VWC2L: variants seen among roughly 807,000 people sequenced by gnomAD.
VWC2L encodes von Willebrand factor C domain containing 2 like.
A neutral mutation model predicts 21.6 loss-of-function variants in VWC2L; 10 were observed. The observed-to-expected ratio is 0.46, with a 90% CI of 0.29 to 0.78. The LOEUF (loss-of-function observed/expected upper bound fraction) is 0.78, where lower values mean the gene tolerates loss of function less well. Among genes scored for constraint, VWC2L ranks in the 30% least tolerant of loss-of-function variants. The pLI is 0.10. For missense variants in VWC2L, 209 were observed against 277.1 expected (o/e 0.75, Z 1.74); for synonymous variants, 96 against 94.3 (o/e 1.02, Z -0.10).
At chr2:214,573,392 G>T (rs536688113) in intron 3 of VWC2L, among the ~76,000 whole-genome samples, 3 of 152,132 alleles carry the variant, frequency 2.0e-5, no homozygotes, top group East Asian at 3.9e-4. Flanking sequence ...CCACTATTTA[G>T]AATTTTATTT....
intron 3 of VWC2L, among the ~76,000 whole-genome samples, chr2:214,568,820 T>C (rs1690106714): frequency 6.6e-6 from 1 of 152,176 alleles, no homozygotes; most frequent in Non-Finnish European, 1.5e-5. Flanking sequence ...CCAGGGTTGG[T>C]TTTGTTGCTT....
intron 3 of VWC2L, among the ~76,000 whole-genome samples, chr2:214,491,557 T>C (rs114386889): frequency 1.9e-3 from 287 of 152,318 alleles, no homozygotes; most frequent in African/African-American, 6.7e-3. Flanking sequence ...TGTTATGTAA[T>C]GTTACAATAC....
chr2:214,501,493 C>T (rs919548436), intron 3 of VWC2L, among the ~76,000 whole-genome samples: 2 of 152,022 alleles, frequency 1.3e-5, no homozygotes, highest in African/African-American at 2.4e-5. Flanking sequence ...GAGTCCGAGG[C>T]GGTGAATCGC....
intron 3 of VWC2L, among the ~76,000 whole-genome samples, chr2:214,551,507 A>G (rs948736858): frequency 1.3e-5 from 2 of 152,234 alleles, no homozygotes; most frequent in African/African-American, 4.8e-5. Flanking sequence ...AATTACTCAG[A>G]GAGAAATAAT....
intron 3 of VWC2L, among the ~76,000 whole-genome samples, chr2:214,442,760 A>C (rs1044331610): frequency 2.0e-5 from 3 of 152,140 alleles, no homozygotes; most frequent in African/African-American, 7.2e-5. Flanking sequence ...AAAATGGTAT[A>C]TAAATTGATA....
At chr2:214,448,070 C>G (rs997855030) in intron 3 of VWC2L, among the ~76,000 whole-genome samples, 1 of 152,090 alleles carries the variant, frequency 6.6e-6, no homozygotes, top group African/African-American at 2.4e-5. Flanking sequence ...TCACCACTGA[C>G]GAGTCCATTT....
chr2:214,467,712 C>T (rs200245869), intron 3 of VWC2L, among the ~76,000 whole-genome samples: 1 of 152,168 alleles, frequency 6.6e-6, no homozygotes, highest in African/African-American at 2.4e-5. Context: ...CAATGTTGAT[C>T]AATTCATAGC....
At chr2:214,542,498 T>C (rs1013799444) in intron 3 of VWC2L, among the ~76,000 whole-genome samples, 3 of 152,208 alleles carry the variant, frequency 2.0e-5, no homozygotes, top group African/African-American at 7.2e-5. Context: ...CTGGCTCAGA[T>C]CCACCCTGAC....
Position 214,439,684 on chromosome 2 carries a change from T to C in VWC2L, c.520+2926T>C, listed in dbSNP as rs1702735563. 2.6e-5 allele frequency among the ~76,000 whole-genome samples: 4 copies of C among 152,036 alleles called. No homozygotes were observed. The South Asian group carries it at 8.3e-4, about 31-fold the overall frequency. ...CCAAAAGCATGAGGCATTAAAGTTATAAAACTTTTAAAATATGATTTAAAC... is the reference window on the plus strand; with the variant it reads ...CCAAAAGCATGAGGCATTAAAGTTACAAAACTTTTAAAATATGATTTAAAC... On this transcript the variant is annotated intron_variant, in intron 3 of 3. Coordinates refer to ENST00000312504, the MANE Select transcript of VWC2L (RefSeq NM_001080500.4).
Position 214,436,718 on chromosome 2 carries a change from A to G in VWC2L, c.480A>G (p.Pro160=), listed in dbSNP as rs747310607. 134 of 1,613,278 alleles carry G rather than the reference A, an allele frequency of 8.3e-5. No individual in the cohort carries two copies. Among genetic ancestry groups the G allele is most frequent in the Non-Finnish European group, 1.1e-4 (130 of 1,179,466 alleles). ...ADCAVPECVN[P]VYEPEQCCPV... ...GCGCAGTTCCTGAGTGTGTCAACCC[A>G]GTCTATGAACCAGAACAATGTTGTC... is the stretch of plus-strand genomic sequence containing the variant. Residue 160 remains proline (P), a synonymous_variant, in exon 3 of 4, where the codon CCA becomes CCG. Transcript: ENST00000312504.
chr2:214,510,662 C>G (rs1689038331), intron 3 of VWC2L, among the ~76,000 whole-genome samples: 1 of 152,146 alleles, frequency 6.6e-6, no homozygotes, highest in Non-Finnish European at 1.5e-5. Context: ...ACAGATAAAG[C>G]CTAGTGACTC....
chr2:214,542,052 T>C (rs1248212460), intron 3 of VWC2L, among the ~76,000 whole-genome samples: 2 of 152,122 alleles, frequency 1.3e-5, no homozygotes, highest in Non-Finnish European at 2.9e-5. Flanking sequence ...TCGGACAGCA[T>C]TGGCTCCCTG....
rs1165011442 is a variant in VWC2L at position 214,578,314 on chromosome 2, G to C, written c.*2494G>C. The C allele has an allele frequency of 1.3e-5, 2 of 152,156 alleles. No individual in the cohort carries two copies. Among genetic ancestry groups the C allele is most frequent in the Non-Finnish European group, 2.9e-5 (2 of 68,008 alleles). 9.4% of individuals were successfully genotyped at this position (152,156 alleles called of 1,614,324 possible). On this transcript the variant is annotated 3_prime_UTR_variant, in exon 4 of 4. Coordinates refer to ENST00000312504, the MANE Select transcript of VWC2L (RefSeq NM_001080500.4). The stretch of plus-strand genomic sequence containing the variant: ...TTGCATCAAAGCATTGGCACAGCGA[G>C]AGTCACAGCAAGAATTTACTAGAAT...
At chr2:214,572,590 C>T (rs1464440118) in intron 3 of VWC2L, among the ~76,000 whole-genome samples, 16 of 152,128 alleles carry the variant, frequency 1.1e-4, no homozygotes, top group Admixed American at 1.0e-3. Context: ...TCATGGTGGG[C>T]TTTCATATGC....
At chr2:214,455,673 A>G (rs1703046459) in intron 3 of VWC2L, among the ~76,000 whole-genome samples, 2 of 152,178 alleles carry the variant, frequency 1.3e-5, no homozygotes, top group Admixed American at 1.3e-4. Context: ...CAACCAACAT[A>G]AGATAATCCC....
At chr2:214,550,957 T>C (rs1689784776) in intron 3 of VWC2L, among the ~76,000 whole-genome samples, 1 of 152,194 alleles carries the variant, frequency 6.6e-6, no homozygotes, top group South Asian at 2.1e-4. Flanking sequence ...GCACTCCATC[T>C]TTCTGGGCCT....
intron 3 of VWC2L, among the ~76,000 whole-genome samples, chr2:214,564,873 T>C: frequency 6.6e-6 from 1 of 152,140 alleles, no homozygotes; most frequent in East Asian, 1.9e-4. Context: ...ACACATCTCC[T>C]CCCTCATCAG....
chr2:214,529,481 ACT>A (rs1403840761), intron 3 of VWC2L, among the ~76,000 whole-genome samples: 1 of 152,022 alleles, frequency 6.6e-6, no homozygotes, highest in Non-Finnish European at 1.5e-5. Flanking sequence ...CAATGACCAA[ACT>A]CTGTTTTCTC....
chr2:214,504,773 CA>C (rs1688944302), intron 3 of VWC2L, among the ~76,000 whole-genome samples: 1 of 152,144 alleles, frequency 6.6e-6, no homozygotes, highest in Non-Finnish European at 1.5e-5. Context: ...ATCTTCACAA[CA>C]AGCCTGTTGG....
Sources: gnomAD v4.1 joint callset for allele counts (sites outside exome capture counted in the v4.1 genomes callset) on GRCh38, gnomAD v4.1.1 for gene constraint, MANE v1.5 for transcripts, NCBI Gene and HGNC (gene_info 2026-07-23, HGNC 2026-07-21) for gene names.